HCRTR2: variants seen among roughly 807,000 people sequenced by gnomAD.
HCRTR2 encodes orexin receptor type 2.
A neutral mutation model predicts 49.0 loss-of-function variants in HCRTR2; 22 were observed. The ratio of observed to expected loss-of-function variants is 0.45; its 90% CI spans 0.32 to 0.64. HCRTR2 has a LOEUF of 0.64. Ranked by LOEUF, HCRTR2 falls within the 30% of genes least tolerant of loss-of-function variation. The probability of loss-of-function intolerance (pLI) is 0.04; values close to 1 mark genes in which losing one functional copy is unlikely to be tolerated. For synonymous variants in HCRTR2, 236 were observed against 205.3 expected (o/e 1.15, Z -1.28); for missense variants, 491 against 559.4 (o/e 0.88, Z 1.23).
At chr6:55,155,329 C>T (rs1764716388) in intron 1 of HCRTR2, among the ~76,000 whole-genome samples, 1 of 151,836 alleles carries the variant, frequency 6.6e-6, no homozygotes, top group Non-Finnish European at 1.5e-5. Context: ...TTCCAAATTT[C>T]AAAGCCTGGT....
chr6:55,115,454 T>C (rs1006526703), intron 1 of HCRTR2, among the ~76,000 whole-genome samples: 13 of 148,626 alleles, frequency 8.7e-5, no homozygotes, highest in African/African-American at 3.2e-4. Context: ...AATATAGTAA[T>C]ATCAAATGCA....
Position 55,107,631 on chromosome 6 carries a change from T to G in HCRTR2, c.-378+1086T>G, listed in dbSNP as rs1479339105. On this transcript the variant is annotated intron_variant, in intron 1 of 7. Coordinates refer to the HCRTR2 transcript ENST00000615358. ...CTTTAAAAAAATGTATATATTAGTATTGTTGCAAAAATAATAGTTTCACAA... is the reference window on the plus strand; with the variant it reads ...CTTTAAAAAAATGTATATATTAGTAGTGTTGCAAAAATAATAGTTTCACAA... Among the ~76,000 whole-genome samples, 3 of 152,244 alleles carry G rather than the reference T, an allele frequency of 2.0e-5. No individual in the cohort carries two copies. The East Asian group carries it at 5.8e-4, about 29-fold the overall frequency.
At chr6:55,249,222 C>T (rs1017281686) in intron 2 of HCRTR2, among the ~76,000 whole-genome samples, 3 of 152,144 alleles carry the variant, frequency 2.0e-5, no homozygotes, top group East Asian at 1.9e-4. Flanking sequence ...TCTCCCCAAA[C>T]CAATTATTGA....
intron 1 of HCRTR2, among the ~76,000 whole-genome samples, chr6:55,125,658 C>T (rs1382947077): frequency 6.6e-6 from 1 of 152,110 alleles, no homozygotes; most frequent in Non-Finnish European, 1.5e-5. Context: ...GAATGTTGGC[C>T]TGTCTTGCTA....
intron 2 of HCRTR2, among the ~76,000 whole-genome samples, chr6:55,253,959 C>T (rs1244182967): frequency 1.3e-5 from 2 of 152,056 alleles, no homozygotes; most frequent in Non-Finnish European, 2.9e-5. Flanking sequence ...ATGAAATAAT[C>T]TGTACAGCAA....
At chr6:55,213,013 G>A (rs1320624013) in intron 1 of HCRTR2, among the ~76,000 whole-genome samples, 2 of 152,098 alleles carry the variant, frequency 1.3e-5, no homozygotes, top group Non-Finnish European at 1.5e-5. Flanking sequence ...CCAATTGTAT[G>A]TGGATCAGGT....
intron 1 of HCRTR2, among the ~76,000 whole-genome samples, chr6:55,110,525 T>C (rs904046308): frequency 1.3e-5 from 2 of 151,548 alleles, no homozygotes; most frequent in East Asian, 1.9e-4. Context: ...GGTAAAGGAG[T>C]AGAAAAAGAT....
At chr6:55,255,487 G>A in intron 3 of HCRTR2, 108 bp downstream of exon 3, 1 of 1,329,070 alleles carries the variant, frequency 7.5e-7, no homozygotes, top group Non-Finnish European at 1.1e-6. Context: ...ATTGACATTT[G>A]TGAATACAGT....
intron 1 of HCRTR2, among the ~76,000 whole-genome samples, chr6:55,142,362 AAT>A (rs1491128014): frequency 8.8e-4 from 26 of 29,430 alleles, no homozygotes; most frequent in Admixed American, 8.1e-3. Flanking sequence ...ACGCCCTGTT[AAT>A]TTTTTTTTTT....
chr6:55,127,440 G>T (rs532107311), intron 1 of HCRTR2, among the ~76,000 whole-genome samples: 1 of 152,232 alleles, frequency 6.6e-6, no homozygotes, highest in African/African-American at 2.4e-5. Context: ...AGGTACCTCA[G>T]CTGGAAATGC....
At chr6:55,195,805 A>G (rs1235279991) in intron 1 of HCRTR2, among the ~76,000 whole-genome samples, 2 of 152,040 alleles carry the variant, frequency 1.3e-5, no homozygotes, top group Non-Finnish European at 2.9e-5. Flanking sequence ...CGTCTCTACT[A>G]AAAATACAAA....
At chr6:55,240,884 G>C in intron 1 of HCRTR2, 1 of 244,394 alleles carries the variant, frequency 4.1e-6, no homozygotes, top group Non-Finnish European at 8.3e-6. Context: ...ATTTAGAAAT[G>C]TTGTTTTATT....
At chr6:55,249,386 G>A (rs144146899) in intron 2 of HCRTR2, among the ~76,000 whole-genome samples, 8 of 151,700 alleles carry the variant, frequency 5.3e-5, no homozygotes, top group East Asian at 3.9e-4. Context: ...TCAAACTACC[G>A]GATTTGGAAT....
intron 1 of HCRTR2, among the ~76,000 whole-genome samples, chr6:55,181,694 G>A (rs1380886982): frequency 1.3e-5 from 2 of 152,100 alleles, no homozygotes; most frequent in Non-Finnish European, 2.9e-5. Flanking sequence ...AAAAGCATGG[G>A]CATACAGAAA....
At chr6:55,272,920 C>A (rs1487924150) in intron 4 of HCRTR2, among the ~76,000 whole-genome samples, 2 of 140,314 alleles carry the variant, frequency 1.4e-5, no homozygotes. Context: ...GACAACAGAT[C>A]TGGAGTTGGA....
At position 55,122,378 on chromosome 6, in the gene HCRTR2, C is replaced by T. The variant is rs369695228; in HGVS notation, c.-378+15833C>T. On this transcript the variant is annotated intron_variant, in intron 1 of 7. Coordinates refer to the HCRTR2 transcript ENST00000615358. ...TTTTCTTCTTTATTAGTCTTGCTAG[C>T]GATCTATGAATTTTGTTTATCTTTT... 1.5e-4 allele frequency among the ~76,000 whole-genome samples: 23 copies of T among 151,888 alleles called. No individual in the cohort carries two copies. In the East Asian group the frequency reaches 1.9e-3, roughly 13 times the overall value.
chr6:55,256,630 T>A (rs867461786), intron 3 of HCRTR2, among the ~76,000 whole-genome samples: 1 of 152,176 alleles, frequency 6.6e-6, no homozygotes, highest in Non-Finnish European at 1.5e-5. Context: ...ATTCCAACTT[T>A]TTTTTGCTGT....
At chr6:55,236,875 C>G (rs1339739548) in intron 1 of HCRTR2, among the ~76,000 whole-genome samples, 1 of 151,962 alleles carries the variant, frequency 6.6e-6, no homozygotes, top group Non-Finnish European at 1.5e-5. Context: ...AATGTATTTG[C>G]CTTGCCAATA....
intron 1 of HCRTR2, among the ~76,000 whole-genome samples, chr6:55,148,591 G>C (rs1234793125): frequency 6.6e-6 from 1 of 152,130 alleles, no homozygotes; most frequent in Admixed American, 6.5e-5. Flanking sequence ...GAAAGCTGCT[G>C]AGGAAACTCT....
Sources: gnomAD v4.1 joint callset for allele counts (sites outside exome capture counted in the v4.1 genomes callset) on GRCh38, gnomAD v4.1.1 for gene constraint, MANE v1.5 for transcripts, NCBI Gene and HGNC (gene_info 2026-07-23, HGNC 2026-07-21) for gene names.